Variants in RAB3C observed in about 807,000 individuals in gnomAD.
The protein encoded by RAB3C is RAB3C, member RAS oncogene family, also known as ras-related protein Rab-3C.
RAB3C carries 17 observed loss-of-function variants against 26.4 expected under a neutral mutation model. The ratio of observed to expected loss-of-function variants is 0.64; its 90% CI spans 0.44 to 0.97. The LOEUF (loss-of-function observed/expected upper bound fraction) is 0.97, where lower values mean the gene tolerates loss of function less well. Ranked by LOEUF, RAB3C falls within the 50% of genes least tolerant of loss-of-function variation. The pLI is 0.00. For missense variants in RAB3C, 242 were observed against 281.9 expected (o/e 0.86, Z 1.01); for synonymous variants, 91 against 95.9 (o/e 0.95, Z 0.30).
At chr5:58,737,689 C>T (rs989662251) in intron 3 of RAB3C, among the ~76,000 whole-genome samples, 5 of 151,382 alleles carry the variant, frequency 3.3e-5, no homozygotes, top group African/African-American at 9.7e-5. Flanking sequence ...TAGGCCCAGG[C>T]ACATATCAAT....
At chr5:58,731,656 A>G (rs10514875) in intron 3 of RAB3C, among the ~76,000 whole-genome samples, 10,350 of 152,200 alleles carry the variant, frequency 0.068, 463 homozygotes, top group East Asian at 0.14. Flanking sequence ...AGTATAACTG[A>G]CCATTGATCT....
At chr5:58,780,184 C>G (rs1477584666) in intron 3 of RAB3C, among the ~76,000 whole-genome samples, 1 of 152,074 alleles carries the variant, frequency 6.6e-6, no homozygotes, top group Non-Finnish European at 1.5e-5. Flanking sequence ...GGTCAAATAG[C>G]AAGGCCTGTA....
intron 2 of RAB3C, among the ~76,000 whole-genome samples, chr5:58,668,770 C>G (rs2111819891): frequency 6.6e-6 from 1 of 152,138 alleles, no homozygotes; most frequent in South Asian, 2.1e-4. Context: ...GAGTTAGGGG[C>G]TCCTACGTCT....
At chr5:58,709,669 G>A (rs1749018081) in intron 2 of RAB3C, among the ~76,000 whole-genome samples, 1 of 152,204 alleles carries the variant, frequency 6.6e-6, no homozygotes, top group Non-Finnish European at 1.5e-5. Flanking sequence ...TTCCATAGGT[G>A]CATCTCTCAA....
chr5:58,728,936 T>C (rs906353992), intron 3 of RAB3C, among the ~76,000 whole-genome samples: 5 of 152,052 alleles, frequency 3.3e-5, no homozygotes, highest in Admixed American at 6.6e-5. Flanking sequence ...TACCTCTGTT[T>C]CTCTGCCTGA....
At position 58,812,542 on chromosome 5, in the gene RAB3C, A is replaced by G. The variant is rs568281101; in HGVS notation, c.372-12496A>G. Among the ~76,000 whole-genome samples the G allele has an allele frequency of 4.6e-5, 7 of 152,350 alleles. No homozygotes were observed. In the East Asian group the frequency reaches 9.6e-4, roughly 21 times the overall value. ...TAAACAAACACTTGCTAATTTAAGT[A>G]TATTTGCAAGGTCTTGGTGTGGCCC... On this transcript the variant is annotated intron_variant, in intron 3 of 4. Transcript: ENST00000282878.
intron 2 of RAB3C, among the ~76,000 whole-genome samples, chr5:58,702,626 T>C (rs865965732): frequency 6.6e-6 from 1 of 152,100 alleles, no homozygotes; most frequent in African/African-American, 2.4e-5. Flanking sequence ...TCCTTCTCTT[T>C]CTCCTCCTCT....
intron 1 of RAB3C, among the ~76,000 whole-genome samples, chr5:58,595,843 T>C (rs1746234634): frequency 6.6e-6 from 1 of 152,188 alleles, no homozygotes; most frequent in African/African-American, 2.4e-5. Flanking sequence ...TATTTTATCA[T>C]ATCCACAAGA....
At chr5:58,835,494 T>C (rs1442430947) in intron 4 of RAB3C, among the ~76,000 whole-genome samples, 2 of 152,164 alleles carry the variant, frequency 1.3e-5, no homozygotes, top group Non-Finnish European at 2.9e-5. Flanking sequence ...CTAACAAACG[T>C]TATGTTTACA....
chr5:58,683,165 T>G (rs1437679122), intron 2 of RAB3C, among the ~76,000 whole-genome samples: 1 of 152,200 alleles, frequency 6.6e-6, no homozygotes, highest in Non-Finnish European at 1.5e-5. Context: ...ATATTGAATA[T>G]TATATAGCTT....
At chr5:58,838,755 T>G (rs1304945194) in intron 4 of RAB3C, among the ~76,000 whole-genome samples, 1 of 152,212 alleles carries the variant, frequency 6.6e-6, no homozygotes, top group African/African-American at 2.4e-5. Flanking sequence ...GTTAATTTCC[T>G]GTCTGGATGA....
chr5:58,703,410 G>A (rs1024673126), intron 2 of RAB3C, among the ~76,000 whole-genome samples: 1 of 152,036 alleles, frequency 6.6e-6, no homozygotes, highest in African/African-American at 2.4e-5. Context: ...TTGAACTCCC[G>A]ACCTCAGCTG....
intron 3 of RAB3C, among the ~76,000 whole-genome samples, chr5:58,797,208 T>G (rs981643908): frequency 1.3e-5 from 2 of 151,604 alleles, no homozygotes; most frequent in Admixed American, 6.6e-5. Flanking sequence ...ACTCTTGGAC[T>G]CAAATCCAGT....
At chr5:58,719,908 G>C (rs1219404943) in intron 2 of RAB3C, among the ~76,000 whole-genome samples, 1 of 151,796 alleles carries the variant, frequency 6.6e-6, no homozygotes, top group East Asian at 1.9e-4. Context: ...AACACCACCT[G>C]TTCCCCAAAA....
chr5:58,625,858 A>G (rs954041289), intron 2 of RAB3C, among the ~76,000 whole-genome samples: 1 of 149,264 alleles, frequency 6.7e-6, no homozygotes, highest in Admixed American at 6.7e-5. Context: ...CTCTGTCTCA[A>G]AAAAAAAAAA....
intron 3 of RAB3C, among the ~76,000 whole-genome samples, chr5:58,804,800 C>T (rs972131926): frequency 1.3e-5 from 2 of 152,040 alleles, no homozygotes; most frequent in Admixed American, 6.6e-5. Context: ...ATATAGGAAC[C>T]ATGACTCCTC....
chr5:58,620,035 A>G (rs781488635), intron 2 of RAB3C, among the ~76,000 whole-genome samples: 6 of 151,934 alleles, frequency 3.9e-5, no homozygotes, highest in Non-Finnish European at 8.8e-5. Flanking sequence ...AAATATTATT[A>G]TCTTCAGATT....
intron 2 of RAB3C, among the ~76,000 whole-genome samples, chr5:58,637,174 G>A (rs1252942450): frequency 6.7e-6 from 1 of 148,496 alleles, no homozygotes; most frequent in East Asian, 2.0e-4. Context: ...TGTCACAAAA[G>A]TGTCATATTT....
intron 4 of RAB3C, among the ~76,000 whole-genome samples, chr5:58,842,805 G>C (rs769993719): frequency 1.3e-5 from 2 of 152,206 alleles, no homozygotes; most frequent in African/African-American, 2.4e-5. Context: ...ATAGTGTTCT[G>C]TGTCTAGGCT....
Sources: gnomAD v4.1 joint callset for allele counts (sites outside exome capture counted in the v4.1 genomes callset) on GRCh38, gnomAD v4.1.1 for gene constraint, MANE v1.5 for transcripts, NCBI Gene and HGNC (gene_info 2026-07-23, HGNC 2026-07-21) for gene names.